Variants in EPX observed in about 807,000 individuals in gnomAD.
EPX encodes eosinophil peroxidase.
A neutral mutation model predicts 73.0 loss-of-function variants in EPX; 60 were observed. The ratio of observed to expected loss-of-function variants is 0.82; its 90% confidence interval spans 0.67 to 1.02. The LOEUF is 1.02. EPX is among the 50% of genes least tolerant of loss of function. EPX has a pLI of 0.00. For missense variants in EPX, 950 were observed against 973.9 expected (o/e 0.98, Z 0.33); for synonymous variants, 347 against 389.2 (o/e 0.89, Z 1.28).
chr17:58,204,646 A>G, intron 12 of EPX, 90 bp from the exon 13 acceptor site: 1 of 581,346 alleles, frequency 1.7e-6, no homozygotes, highest in South Asian at 2.1e-5. Context: ...GCATCCAACT[A>G]TCCTCAGCTT....
intron 6 of EPX, among the ~76,000 whole-genome samples, chr17:58,195,789 G>A (rs1015243744): frequency 6.6e-6 from 1 of 152,276 alleles, no homozygotes; most frequent in East Asian, 1.9e-4. Flanking sequence ...ATTCATGAGG[G>A]ATGACATGTG....
At chr17:58,198,060 T>C (rs1236147076) in intron 7 of EPX, among the ~76,000 whole-genome samples, 1 of 152,170 alleles carries the variant, frequency 6.6e-6, no homozygotes, top group African/African-American at 2.4e-5. Flanking sequence ...GGTCTCGAAC[T>C]CCTGACCTCA....
At chr17:58,195,556 G>A (rs1968243966) in intron 6 of EPX, among the ~76,000 whole-genome samples, 1 of 152,112 alleles carries the variant, frequency 6.6e-6, no homozygotes, top group African/African-American at 2.4e-5. Context: ...CCAGCTTCTT[G>A]GGCTTGGGCT....
chr17:58,202,888 T>G, intron 10 of EPX, 193 bp from the exon 11 acceptor site: 1 of 638,784 alleles, frequency 1.6e-6, no homozygotes, highest in South Asian at 1.7e-5. Context: ...TGAGCACAGT[T>G]GTCCACTCAC....
At chr17:58,204,136 T>C (rs991598152) in intron 11 of EPX, 86 bp from the exon 12 acceptor site, 2 of 906,086 alleles carry the variant, frequency 2.2e-6, no homozygotes, top group Non-Finnish European at 3.7e-6. Flanking sequence ...TGGAATAATA[T>C]ATGTAAAGTA....
At chr17:58,204,174 AG>A (rs1968393209) in intron 11 of EPX, 47 bp from the exon 12 acceptor site, 1 of 1,282,724 alleles carries the variant, frequency 7.8e-7, no homozygotes, top group Non-Finnish European at 1.1e-6. Flanking sequence ...GCTCATTATA[AG>A]GTAATTCCTC....
At chr17:58,193,924 G>C (rs1567787968) in intron 4 of EPX, 39 bp from the exon 5 acceptor site, 5 of 1,612,452 alleles carry the variant, frequency 3.1e-6, no homozygotes, top group Non-Finnish European at 3.4e-6. Flanking sequence ...CCATCTCCAG[G>C]CCCTGCCCCC....
intron 5 of EPX, 58 bp downstream of exon 5, chr17:58,194,150 A>T: frequency 6.3e-7 from 1 of 1,578,854 alleles, no homozygotes; most frequent in Non-Finnish European, 8.7e-7. Flanking sequence ...GGGGAGTAAA[A>T]CACAGCCCAG....
At chr17:58,198,942 CCCA>C in intron 7 of EPX, 95 bp from the exon 8 acceptor site, 8 of 1,331,622 alleles carry the variant, frequency 6.0e-6, no homozygotes, top group Non-Finnish European at 8.5e-6. Flanking sequence ...AGGAGTTTGG[CCCA>C]CCCCGTCTCT....
At chr17:58,199,308 T>C (rs1433710820) in intron 8 of EPX, 108 bp downstream of exon 8, 5 of 1,278,772 alleles carry the variant, frequency 3.9e-6, no homozygotes. Context: ...TCTGGGCAAC[T>C]GGCGGAGCAC....
chr17:58,195,237 G>A (rs1968240192), intron 6 of EPX, 67 bp downstream of exon 6: 1 of 1,298,844 alleles, frequency 7.7e-7, no homozygotes, highest in Non-Finnish European at 1.1e-6. Flanking sequence ...TGCTGGGGGT[G>A]GGGATCTGGA....
Position 58,193,819 on chromosome 17 carries a change from G to A in EPX, c.452G>A (p.Arg151Gln), listed in dbSNP as rs1327133021. 8.7e-6 allele frequency: 14 copies of A among 1,612,634 alleles called. No individual in the cohort carries two copies. The highest frequency in any genetic ancestry group is 1.7e-4 in the Middle Eastern group (1 of 5,930). Residue 151 changes from arginine to glutamine, a missense_variant, in exon 4 of 13, where the codon CGG (arginine) becomes CAG (glutamine). Physicochemically the swap from Arg to Gln is conservative, Grantham distance 43. Transcript: ENST00000225371. ...GACAAGTACCGCACCATCACTGGACGGTGCAACAACAAGTGCGTGCGGGGC... is the reference window on the plus strand; with the variant it reads ...GACAAGTACCGCACCATCACTGGACAGTGCAACAACAAGTGCGTGCGGGGC... ...CSDKYRTITG[R>Q]CNNKRRPLLG...
chr17:58,201,388 G>T (rs1489515586), intron 10 of EPX, among the ~76,000 whole-genome samples: 1 of 152,210 alleles, frequency 6.6e-6, no homozygotes, highest in African/African-American at 2.4e-5. Context: ...TTTCTATTAG[G>T]TTTTGAAGGG....
rs375498777 is a variant in EPX, at chr17:58,199,640, G to A, written c.1383G>A (p.Arg461=). ...GGTACTGCTCCAATGTGGACCCACGGGTGGCCAATGTCTTCACCCTGGCCT... is the reference window on the plus strand; with the variant it reads ...GGTACTGCTCCAATGTGGACCCACGAGTGGCCAATGTCTTCACCCTGGCCT... ...YRGYCSNVDP[R]VANVFTLAFR... is the part of the protein sequence containing the mutation. The change falls in exon 9 of 13, where the codon CGG becomes CGA. Residue 461 remains arginine (R), a synonymous_variant. Coordinates refer to ENST00000225371, the MANE Select transcript of EPX (RefSeq NM_000502.6). The A allele has an allele frequency of 6.2e-7, 1 of 1,614,228 alleles. No homozygotes were observed. Among genetic ancestry groups the A allele is most frequent in the Non-Finnish European group, 8.5e-7 (1 of 1,180,050 alleles).
At chr17:58,200,683 A>G (rs1968328669) in intron 10 of EPX, among the ~76,000 whole-genome samples, 1 of 152,222 alleles carries the variant, frequency 6.6e-6, no homozygotes, top group Non-Finnish European at 1.5e-5. Flanking sequence ...CCAAGTAGAA[A>G]AAAAGCAATA....
At position 58,203,062 on chromosome 17, in the gene EPX, T is replaced by A. The variant is rs1282247219; in HGVS notation, c.1709-19T>A. On this transcript the variant is annotated intron_variant, in intron 10 of 12. Coordinates refer to ENST00000225371, the MANE Select transcript of EPX (RefSeq NM_000502.6). ...GGAGATCAGCAAGACTGAAGCTGCTTCTCCCCGTTCCCCTGCAGGGTACAA... is the reference window on the plus strand; with the variant it reads ...GGAGATCAGCAAGACTGAAGCTGCTACTCCCCGTTCCCCTGCAGGGTACAA... 6.3e-7 allele frequency: 1 copy of A among 1,583,188 alleles called. No homozygotes were observed.
intron 7 of EPX, among the ~76,000 whole-genome samples, chr17:58,197,767 C>T (rs547307861): frequency 4.5e-4 from 68 of 152,286 alleles, no homozygotes; most frequent in Non-Finnish European, 8.5e-4. Flanking sequence ...GAACTTTCCT[C>T]AGGGTCTTTT....
In EPX at chr17:58,196,973, G is replaced by T; in HGVS notation, c.836G>T (p.Arg279Leu). The T allele has an allele frequency of 1.2e-6, 2 of 1,614,048 alleles. No homozygotes were observed. Among genetic ancestry groups the T allele is most frequent in the Non-Finnish European group, 8.5e-7 (1 of 1,180,014 alleles). ...PPNDPRIKNQ[R>L]DCIPFFRSAP... ...AATGACCCCCGCATCAAGAACCAGC[G>T]TGACTGCATCCCTTTCTTCCGCTCG... Residue 279 changes from arginine to leucine, a missense_variant, in exon 7 of 13, where the codon CGT becomes CTT. Arg to Leu is a moderately radical substitution (Grantham distance 102). Transcript: ENST00000225371.
intron 7 of EPX, among the ~76,000 whole-genome samples, chr17:58,198,058 A>T (rs1469374011): frequency 6.6e-6 from 1 of 152,044 alleles, no homozygotes; most frequent in East Asian, 1.9e-4. Flanking sequence ...CTGGTCTCGA[A>T]CTCCTGACCT....
Sources: gnomAD v4.1 joint callset for allele counts (sites outside exome capture counted in the v4.1 genomes callset) on GRCh38, gnomAD v4.1.1 for gene constraint, MANE v1.5 for transcripts, NCBI Gene and HGNC (gene_info 2026-07-23, HGNC 2026-07-21) for gene names.